The following NAALADL2 variants were observed in gnomAD, a reference collection of about 807,000 sequenced individuals.
NAALADL2 encodes inactive N-acetylated-alpha-linked acidic dipeptidase-like protein 2.
Under a neutral mutation model 87.2 loss-of-function variants are expected in NAALADL2, and 76 were observed. That is an observed-to-expected ratio of 0.87 (90% confidence interval 0.72 to 1.05). NAALADL2 has a LOEUF of 1.05. Among genes scored for constraint, NAALADL2 ranks in the 50% least tolerant of loss-of-function variants. NAALADL2 has a pLI of 0.00. For missense variants in NAALADL2, 1,089 were observed against 945.8 expected, an observed-to-expected ratio of 1.15 and a Z score of -1.99; for synonymous variants, 354 against 331.0, an observed-to-expected ratio of 1.07 and a Z score of -0.75.
chr3:174,798,264 G>T (rs1718379076), intron 3 of NAALADL2, among the ~76,000 whole-genome samples: 1 of 152,008 alleles, frequency 6.6e-6, no homozygotes, highest in Non-Finnish European at 1.5e-5. Flanking sequence ...TTGTAGTTTT[G>T]TTGCTGTTGT....
At chr3:175,033,626 C>T (rs540976792) in intron 1 of NAALADL2, among the ~76,000 whole-genome samples, 1 of 152,164 alleles carries the variant, frequency 6.6e-6, no homozygotes, top group East Asian at 1.9e-4. Flanking sequence ...CACAGGTGGT[C>T]TCTCCTTTTT....
At chr3:174,924,991 T>A (rs1735782084) in intron 1 of NAALADL2, among the ~76,000 whole-genome samples, 6 of 152,190 alleles carry the variant, frequency 3.9e-5, no homozygotes, top group Admixed American at 3.9e-4. Flanking sequence ...GATGAGTAGA[T>A]TGCAAAAATT....
intron 6 of NAALADL2, among the ~76,000 whole-genome samples, chr3:175,450,732 A>G (rs1413739538): frequency 1.3e-5 from 2 of 152,278 alleles, no homozygotes; most frequent in East Asian, 3.9e-4. Context: ...TGCCAAAGCT[A>G]CTCATAAAAT....
At chr3:174,884,626 T>C (rs1032184883) in intron 1 of NAALADL2, among the ~76,000 whole-genome samples, 2 of 152,136 alleles carry the variant, frequency 1.3e-5, no homozygotes, top group Non-Finnish European at 1.5e-5. Flanking sequence ...AATAAGTGTC[T>C]AGGAGCTGCA....
At chr3:174,640,440 A>G (rs923020729) in intron 2 of NAALADL2, among the ~76,000 whole-genome samples, 2 of 147,752 alleles carry the variant, frequency 1.4e-5, no homozygotes, top group Admixed American at 1.3e-4. Context: ...GATCAATTTT[A>G]TAGAAGATTG....
chr3:175,534,463 T>C (rs891186484), intron 9 of NAALADL2, among the ~76,000 whole-genome samples: 1 of 152,140 alleles, frequency 6.6e-6, no homozygotes, highest in East Asian at 1.9e-4. Flanking sequence ...CAGTCTAGTC[T>C]TTTCACATTT....
chr3:175,335,555 T>C (rs1761889042), intron 5 of NAALADL2, among the ~76,000 whole-genome samples: 1 of 152,346 alleles, frequency 6.6e-6, no homozygotes, highest in East Asian at 1.9e-4. Flanking sequence ...AGATGAGTGC[T>C]CCTAAAGTAA....
intron 9 of NAALADL2, among the ~76,000 whole-genome samples, chr3:175,550,716 G>GT (rs1342252026): frequency 6.6e-6 from 1 of 152,146 alleles, no homozygotes. Context: ...TGGCAAAGAA[G>GT]TAAGAATCTC....
intron 2 of NAALADL2, among the ~76,000 whole-genome samples, chr3:174,621,313 G>T (rs146788091): frequency 6.6e-6 from 1 of 152,098 alleles, no homozygotes; most frequent in Non-Finnish European, 1.5e-5. Flanking sequence ...GCACAAGTCT[G>T]CTTTCAAGGA....
At position 174,534,143 on chromosome 3, in the gene NAALADL2, A is replaced by G. The variant is rs570906729; in HGVS notation, c.-183-16426A>G. On this transcript the variant is annotated intron_variant, in intron 1 of 3. Coordinates refer to the NAALADL2 transcript ENST00000434257. ...TTTAAAGGGCAGAATCTACTATTAC[A>G]TTTCTTATGTCTGTGTACATACTAC... Among the ~76,000 whole-genome samples the G allele has an allele frequency of 7.2e-5, 11 of 152,304 alleles. No homozygotes were observed. The South Asian group carries it at 2.3e-3, about 32-fold the overall frequency.
chr3:174,722,747 T>C (rs536654073), intron 2 of NAALADL2, among the ~76,000 whole-genome samples: 1 of 152,310 alleles, frequency 6.6e-6, no homozygotes, highest in East Asian at 1.9e-4. Flanking sequence ...TAAAAATTGT[T>C]AATAGAATCA....
intron 11 of NAALADL2, among the ~76,000 whole-genome samples, chr3:175,645,207 A>T (rs1249981629): frequency 6.6e-6 from 1 of 152,070 alleles, no homozygotes; most frequent in African/African-American, 2.4e-5. Flanking sequence ...ACAGGATAAG[A>T]AACTATATTT....
At chr3:175,504,851 T>C (rs1730078153) in intron 9 of NAALADL2, among the ~76,000 whole-genome samples, 1 of 152,176 alleles carries the variant, frequency 6.6e-6, no homozygotes, top group African/African-American at 2.4e-5. Flanking sequence ...AAAAAATACT[T>C]GACAGAATGC....
intron 1 of NAALADL2, among the ~76,000 whole-genome samples, chr3:174,884,452 A>G (rs1480398142): frequency 6.6e-6 from 1 of 152,156 alleles, no homozygotes; most frequent in Non-Finnish European, 1.5e-5. Flanking sequence ...AGTGAATTCC[A>G]TGAGCATGAG....
intron 2 of NAALADL2, among the ~76,000 whole-genome samples, chr3:174,586,887 GGTTT>G (rs1323126381): frequency 2.6e-5 from 4 of 151,966 alleles, no homozygotes; most frequent in African/African-American, 9.7e-5. Context: ...ACAACATGCA[GGTTT>G]GTTACATATG....
chr3:175,640,753 G>A (rs1729171394), intron 11 of NAALADL2, among the ~76,000 whole-genome samples: 1 of 152,144 alleles, frequency 6.6e-6, no homozygotes, highest in Non-Finnish European at 1.5e-5. Flanking sequence ...TGCATACCAT[G>A]TTCTAATTAA....
Position 174,626,814 on chromosome 3 carries a change from C to T in NAALADL2, c.-115+76177C>T, listed in dbSNP as rs557736455. ...CGCTTTTTCATTTATTTCTAATGAA[C>T]ATTCAGGATTCTTAATACCAATTTT... On this transcript the variant is annotated intron_variant, in intron 2 of 3. Coordinates refer to the NAALADL2 transcript ENST00000434257. Among the ~76,000 whole-genome samples the T allele has an allele frequency of 7.2e-5, 11 of 152,070 alleles. No individual in the cohort carries two copies. The East Asian group carries it at 1.9e-3, about 27-fold the overall frequency.
chr3:174,469,424 A>ATT (rs796147289), intron 1 of NAALADL2, among the ~76,000 whole-genome samples: 4 of 139,398 alleles, frequency 2.9e-5, no homozygotes, highest in Non-Finnish European at 6.2e-5. Flanking sequence ...CGGCTGGCTA[A>ATT]TTTTTTTTTT....
rs187086070 is a variant in NAALADL2 at position 174,455,142 on chromosome 3, A to T, written c.-184+14110A>T. Among the ~76,000 whole-genome samples the T allele has an allele frequency of 3.9e-5, 6 of 152,302 alleles. No individual in the cohort carries two copies. In the East Asian group the frequency reaches 1.2e-3, roughly 29 times the overall value. On this transcript the variant is annotated intron_variant, in intron 1 of 3. Transcript: ENST00000434257. Reference sequence around the variant, plus strand: ...CTAAAAAATCCAGAAGAAATGGATAAATTCCTGGATATACACACCCTCCCA... The same window carrying T: ...CTAAAAAATCCAGAAGAAATGGATATATTCCTGGATATACACACCCTCCCA...
Sources: gnomAD v4.1 joint callset for allele counts (sites outside exome capture counted in the v4.1 genomes callset) on GRCh38, gnomAD v4.1.1 for gene constraint, MANE v1.5 for transcripts, NCBI Gene and HGNC (gene_info 2026-07-23, HGNC 2026-07-21) for gene names.